ZCCHC7: variants seen among roughly 807,000 people sequenced by gnomAD.
ZCCHC7 encodes zinc finger CCHC-type containing 7.
A neutral mutation model predicts 52.0 loss-of-function variants in ZCCHC7; 35 were observed. The observed-to-expected ratio is 0.67, with a 90% CI of 0.51 to 0.89. The LOEUF (loss-of-function observed/expected upper bound fraction) is 0.89, where lower values mean the gene tolerates loss of function less well. Ranked by LOEUF, ZCCHC7 falls within the 40% of genes least tolerant of loss-of-function variation. ZCCHC7 has a pLI of 0.00. For synonymous variants in ZCCHC7, 217 were observed against 221.5 expected (o/e 0.98, Z 0.18); for missense variants, 574 against 649.1 (o/e 0.88, Z 1.26).
In ZCCHC7 at chr9:37,277,098, A is replaced by G. The variant is rs544897869; in HGVS notation, c.611-25090A>G. On this transcript the variant is annotated intron_variant, in intron 2 of 8. Transcript: ENST00000336755. Reference sequence around the variant, plus strand: ...TTACTATGCTTACTATGCACCAAGTATAGACTCATTCTTTGTGTGAATGGA... The same window carrying G: ...TTACTATGCTTACTATGCACCAAGTGTAGACTCATTCTTTGTGTGAATGGA... 8.5e-5 allele frequency among the ~76,000 whole-genome samples: 13 copies of G among 152,336 alleles called. 1 individual carries two copies. In the South Asian group the frequency reaches 2.1e-3, roughly 24 times the overall value.
chr9:37,243,358 G>A (rs1474925714), intron 2 of ZCCHC7, among the ~76,000 whole-genome samples: 3 of 151,760 alleles, frequency 2.0e-5, no homozygotes, highest in Non-Finnish European at 4.4e-5. Flanking sequence ...TAGATATCTG[G>A]TCACTAATAC....
chr9:37,260,897 CT>C (rs902978660), intron 2 of ZCCHC7, among the ~76,000 whole-genome samples: 3 of 152,140 alleles, frequency 2.0e-5, no homozygotes, highest in Non-Finnish European at 4.4e-5. Flanking sequence ...TCAAAATACT[CT>C]TGTTGATTTA....
chr9:37,128,755 T>G (rs1842643511), intron 2 of ZCCHC7, among the ~76,000 whole-genome samples: 1 of 152,198 alleles, frequency 6.6e-6, no homozygotes, highest in African/African-American at 2.4e-5. Context: ...AGAAGTAGTA[T>G]TCAGTCAAAA....
At chr9:37,238,337 T>C (rs1825741405) in intron 2 of ZCCHC7, among the ~76,000 whole-genome samples, 1 of 152,206 alleles carries the variant, frequency 6.6e-6, no homozygotes, top group South Asian at 2.1e-4. Flanking sequence ...GATTTTTTTG[T>C]AGGTTTCTCT....
chr9:37,349,514 T>C, intron 7 of ZCCHC7, 62 bp downstream of exon 7: 3 of 1,471,532 alleles, frequency 2.0e-6, no homozygotes, highest in South Asian at 1.2e-5. Flanking sequence ...TTCTGAAAGA[T>C]GAACTCAAAA....
chr9:37,182,533 T>A (rs1822419889), intron 2 of ZCCHC7, among the ~76,000 whole-genome samples: 1 of 152,010 alleles, frequency 6.6e-6, no homozygotes, highest in Non-Finnish European at 1.5e-5. Flanking sequence ...GCTGGCTAAT[T>A]TTTGTATTTT....
intron 6 of ZCCHC7, among the ~76,000 whole-genome samples, chr9:37,336,278 G>A (rs180897165): frequency 1.3e-5 from 2 of 152,228 alleles, no homozygotes; most frequent in Admixed American, 6.5e-5. Context: ...TCAAACTTAA[G>A]CACTTTATCA....
At chr9:37,207,338 AGTC>A (rs1366842931) in intron 2 of ZCCHC7, among the ~76,000 whole-genome samples, 2 of 152,062 alleles carry the variant, frequency 1.3e-5, no homozygotes, top group Admixed American at 6.5e-5. Context: ...TGATGTCAGT[AGTC>A]ATTTTTTTTC....
chr9:37,175,386 C>T (rs1006709471), intron 2 of ZCCHC7, among the ~76,000 whole-genome samples: 1 of 151,956 alleles, frequency 6.6e-6, no homozygotes, highest in Non-Finnish European at 1.5e-5. Context: ...TCTTCCTCTG[C>T]TAGCTCATCT....
At chr9:37,324,122 G>A (rs1830152031) in intron 5 of ZCCHC7, among the ~76,000 whole-genome samples, 1 of 152,062 alleles carries the variant, frequency 6.6e-6, no homozygotes, top group South Asian at 2.1e-4. Context: ...AATATTGTTT[G>A]TTTTATTAAA....
At chr9:37,226,784 A>G (rs1405908542) in intron 2 of ZCCHC7, among the ~76,000 whole-genome samples, 1 of 152,164 alleles carries the variant, frequency 6.6e-6, no homozygotes, top group African/African-American at 2.4e-5. Flanking sequence ...TAATCCCAGC[A>G]CTTTGAGACA....
intron 2 of ZCCHC7, among the ~76,000 whole-genome samples, chr9:37,167,710 T>G (rs762527382): frequency 7.2e-5 from 11 of 152,230 alleles, no homozygotes; most frequent in Non-Finnish European, 1.2e-4. Context: ...AAGAAATGGC[T>G]TAATCCTTTT....
intron 2 of ZCCHC7, among the ~76,000 whole-genome samples, chr9:37,188,639 TC>T (rs1436682144): frequency 0.011 from 183 of 16,138 alleles, 12 homozygotes; most frequent in African/African-American, 0.06. Flanking sequence ...TCCTTTCCCC[TC>T]CCCCTCCCCT....
chr9:37,219,513 A>G (rs1022382433), intron 2 of ZCCHC7, among the ~76,000 whole-genome samples: 4 of 152,192 alleles, frequency 2.6e-5, no homozygotes, highest in African/African-American at 4.8e-5. Context: ...GTTTTAATGC[A>G]TTATTAAGGA....
At chr9:37,166,508 A>G (rs1001048857) in intron 2 of ZCCHC7, among the ~76,000 whole-genome samples, 40 of 152,022 alleles carry the variant, frequency 2.6e-4, no homozygotes, top group Non-Finnish European at 5.0e-4. Context: ...TCAAGGAACC[A>G]ACTTTTGGTT....
At chr9:37,245,682 T>C (rs1039593285) in intron 2 of ZCCHC7, among the ~76,000 whole-genome samples, 5 of 151,946 alleles carry the variant, frequency 3.3e-5, no homozygotes, top group Non-Finnish European at 5.9e-5. Flanking sequence ...TTTTGGGAAA[T>C]CAGGTAAGAC....
At position 37,303,767 on chromosome 9, in the gene ZCCHC7, G is replaced by A. The variant is rs185454064; in HGVS notation, c.655-421G>A. Among the ~76,000 whole-genome samples the A allele has an allele frequency of 1.6e-3, 239 of 145,150 alleles. 1 individual carries two copies. Among genetic ancestry groups the A allele is most frequent in the African/African-American group, 5.8e-3 (227 of 39,370 alleles). On this transcript the variant is annotated intron_variant, in intron 3 of 8. Coordinates refer to ENST00000336755, the MANE Select transcript of ZCCHC7 (RefSeq NM_032226.3). ...CATCCTCCGCCTCCCAGGCGCAAGC[G>A]ATTCTCCTGCCTCAGCCTCCCAAGT...
chr9:37,172,588 T>A (rs957159896), intron 2 of ZCCHC7, among the ~76,000 whole-genome samples: 5 of 152,260 alleles, frequency 3.3e-5, no homozygotes, highest in Non-Finnish European at 7.3e-5. Flanking sequence ...TATTTTAATT[T>A]GAGCAACAGT....
chr9:37,330,023 T>C (rs1027642862), intron 6 of ZCCHC7, among the ~76,000 whole-genome samples: 2 of 151,770 alleles, frequency 1.3e-5, no homozygotes, highest in African/African-American at 4.8e-5. Flanking sequence ...TTTGGGAGCT[T>C]TACAGTTGCT....
Sources: allele counts gnomAD v4.1 joint callset (sites outside exome capture counted in the v4.1 genomes callset), GRCh38; gene constraint gnomAD v4.1.1; transcripts MANE v1.5; gene names NCBI Gene and HGNC (gene_info 2026-07-23, HGNC 2026-07-21).